Variants in CSMD1 observed in about 807,000 individuals in gnomAD.
CSMD1 encodes CUB and Sushi multiple domains 1, also known as CUB and sushi domain-containing protein 1.
In CSMD1, 213 loss-of-function variants were observed where a neutral mutation model predicts 417.5. The ratio of observed to expected loss-of-function variants is 0.51; its 90% CI spans 0.46 to 0.57. The LOEUF (loss-of-function observed/expected upper bound fraction) is 0.57. Among genes scored for constraint, CSMD1 ranks in the 20% least tolerant of loss-of-function variants. The pLI is 0.00. For missense variants in CSMD1, 6,923 were observed against 4,529.7 expected (o/e 1.53, Z -15.17); for synonymous variants, 2,862 against 1,736.8 (o/e 1.65, Z -16.11).
chr8:3,797,191 A>G (rs185079731), intron 5 of CSMD1, among the ~76,000 whole-genome samples: 1 of 152,054 alleles, frequency 6.6e-6, no homozygotes, highest in African/African-American at 2.4e-5. Flanking sequence ...TGAAATGTCA[A>G]AGAACTTCAA....
At chr8:3,273,040 C>T (rs977734830) in intron 26 of CSMD1, among the ~76,000 whole-genome samples, 13 of 151,946 alleles carry the variant, frequency 8.6e-5, no homozygotes, top group Non-Finnish European at 1.5e-4. Context: ...CTAGTTTTTG[C>T]CCATTCGGTA....
At chr8:3,192,149 G>T (rs1008497717) in intron 33 of CSMD1, among the ~76,000 whole-genome samples, 1 of 152,102 alleles carries the variant, frequency 6.6e-6, no homozygotes, top group Admixed American at 6.6e-5. Flanking sequence ...CTATCAGAAG[G>T]CAAAATTAAT....
At chr8:4,788,313 T>A (rs927565765) in intron 1 of CSMD1, 2 of 1,575,974 alleles carry the variant, frequency 1.3e-6, no homozygotes, top group Middle Eastern at 1.8e-4. Context: ...AAGTAATGGT[T>A]TGGGACCAGT....
intron 1 of CSMD1, among the ~76,000 whole-genome samples, chr8:4,797,921 G>T (rs192810039): frequency 6.0e-4 from 91 of 152,348 alleles, no homozygotes; most frequent in Admixed American, 1.6e-3. Context: ...GGGCATGACA[G>T]ATCTCCATAA....
intron 5 of CSMD1, among the ~76,000 whole-genome samples, chr8:3,940,959 T>G (rs544662008): frequency 6.6e-6 from 1 of 151,980 alleles, no homozygotes; most frequent in East Asian, 1.9e-4. Flanking sequence ...TATGTCCAAA[T>G]TGTCATTTAC....
intron 1 of CSMD1, among the ~76,000 whole-genome samples, chr8:4,713,551 G>A (rs970212647): frequency 6.6e-6 from 1 of 152,144 alleles, no homozygotes; most frequent in Non-Finnish European, 1.5e-5. Flanking sequence ...ACAGGCGGCT[G>A]CCACCACGCC....
intron 10 of CSMD1, among the ~76,000 whole-genome samples, chr8:3,508,390 G>A (rs1239532948): frequency 6.6e-6 from 1 of 151,840 alleles, no homozygotes; most frequent in East Asian, 1.9e-4. Context: ...ATAGCATTAG[G>A]AGATATACCT....
intron 3 of CSMD1, among the ~76,000 whole-genome samples, chr8:4,117,286 T>C (rs5016256): frequency 0.85 from 128,757 of 151,584 alleles, 56,236 homozygotes; most frequent in South Asian, 0.97. Flanking sequence ...CGAAGCAGCA[T>C]GCGTGGCTGG....
intron 11 of CSMD1, among the ~76,000 whole-genome samples, chr8:3,481,168 A>AAC (rs1563079081): frequency 2.0e-5 from 3 of 148,046 alleles, no homozygotes; most frequent in Admixed American, 6.8e-5. Flanking sequence ...AAAAAAAAAA[A>AAC]AAAAAAAAAA....
intron 3 of CSMD1, among the ~76,000 whole-genome samples, chr8:4,260,387 G>A (rs1235446544): frequency 4.6e-5 from 7 of 152,110 alleles, no homozygotes; most frequent in Non-Finnish European, 4.4e-5. Flanking sequence ...TATACTTCGG[G>A]TTTTTGTTAA....
chr8:4,496,522 T>A (rs1563232650), intron 2 of CSMD1, among the ~76,000 whole-genome samples: 2 of 152,200 alleles, frequency 1.3e-5, no homozygotes, highest in Non-Finnish European at 2.9e-5. Context: ...CCAGGGAGTA[T>A]GTTAACACGG....
intron 5 of CSMD1, among the ~76,000 whole-genome samples, chr8:3,883,763 T>A (rs578103010): frequency 6.6e-6 from 1 of 152,126 alleles, no homozygotes; most frequent in East Asian, 1.9e-4. Flanking sequence ...TCATCTTAAA[T>A]CCACAGGGAA....
intron 31 of CSMD1, among the ~76,000 whole-genome samples, chr8:3,202,754 G>T (rs1267444845): frequency 6.6e-6 from 1 of 152,168 alleles, no homozygotes; most frequent in Non-Finnish European, 1.5e-5. Flanking sequence ...CTGTAACAGT[G>T]TGTGTGCCCA....
At chr8:4,943,698 C>T (rs1294024174) in intron 1 of CSMD1, among the ~76,000 whole-genome samples, 5 of 152,128 alleles carry the variant, frequency 3.3e-5, no homozygotes, top group Non-Finnish European at 5.9e-5. Context: ...ATCTGTTCCA[C>T]ATGTCATTCC....
At chr8:3,391,234 G>A (rs41432447) in intron 17 of CSMD1, among the ~76,000 whole-genome samples, 15,701 of 152,136 alleles carry the variant, frequency 0.1, 897 homozygotes, top group Middle Eastern at 0.13. Context: ...TTATCACAAT[G>A]TTTCTTCCAT....
At chr8:2,962,060 G>C (rs1299590391) in intron 61 of CSMD1, among the ~76,000 whole-genome samples, 2 of 152,014 alleles carry the variant, frequency 1.3e-5, no homozygotes, top group East Asian at 3.9e-4. Context: ...AAATCTCAAT[G>C]AACAAAATTA....
At chr8:4,924,092 C>T (rs931048934) in intron 1 of CSMD1, among the ~76,000 whole-genome samples, 3 of 152,088 alleles carry the variant, frequency 2.0e-5, no homozygotes, top group East Asian at 3.9e-4. Flanking sequence ...AAGTTTCTGC[C>T]GTCATGATTC....
At chr8:3,739,270 C>T (rs1796676979) in intron 6 of CSMD1, among the ~76,000 whole-genome samples, 1 of 152,186 alleles carries the variant, frequency 6.6e-6, no homozygotes, top group South Asian at 2.1e-4. Flanking sequence ...TCTGACAAAG[C>T]TGTAGATTGT....
intron 3 of CSMD1, among the ~76,000 whole-genome samples, chr8:4,280,606 G>T (rs555305303): frequency 6.6e-6 from 1 of 152,170 alleles, no homozygotes; most frequent in Non-Finnish European, 1.5e-5. Context: ...CTGTTTGAAG[G>T]TAAACCTATG....
Sources: allele counts gnomAD v4.1 joint callset (sites outside exome capture counted in the v4.1 genomes callset), GRCh38; gene constraint gnomAD v4.1.1; transcripts MANE v1.5; gene names NCBI Gene and HGNC (gene_info 2026-07-23, HGNC 2026-07-21).